Variants in CLYBL observed in about 807,000 individuals in gnomAD.
CLYBL encodes the protein citramalyl-CoA lyase.
A neutral mutation model predicts 38.9 loss-of-function variants in CLYBL; 31 were observed. The observed-to-expected ratio is 0.80, with a 90% CI of 0.60 to 1.08. The LOEUF (loss-of-function observed/expected upper bound fraction) is 1.08. Among genes scored for constraint, CLYBL ranks in the 50% least tolerant of loss-of-function variants. The pLI, the probability that CLYBL is intolerant of heterozygous loss-of-function variation, is 0.00. For missense variants in CLYBL, 434 were observed against 411.6 expected, an observed-to-expected ratio of 1.05 and a Z score of -0.47; for synonymous variants, 171 against 158.6, an observed-to-expected ratio of 1.08 and a Z score of -0.59.
intron 1 of CLYBL, among the ~76,000 whole-genome samples, chr13:99,624,797 C>T (rs955660440): frequency 2.0e-5 from 3 of 152,226 alleles, no homozygotes; most frequent in Non-Finnish European, 4.4e-5. Context: ...GTTGAACACA[C>T]AGCCCTTCCT....
At chr13:99,734,047 G>A (rs150027025) in intron 1 of CLYBL, among the ~76,000 whole-genome samples, 118 of 152,318 alleles carry the variant, frequency 7.7e-4, no homozygotes, top group African/African-American at 2.7e-3. Flanking sequence ...GAGTAAGCAC[G>A]AAAACCTATG....
intron 2 of CLYBL, among the ~76,000 whole-genome samples, chr13:99,815,325 G>C (rs1762722728): frequency 6.6e-6 from 1 of 151,410 alleles, no homozygotes; most frequent in Admixed American, 6.6e-5. Context: ...TGAGGGGATG[G>C]ATGGACCTAT....
intron 1 of CLYBL, among the ~76,000 whole-genome samples, chr13:99,760,067 T>C (rs1411759952): frequency 6.6e-6 from 1 of 152,230 alleles, no homozygotes; most frequent in East Asian, 1.9e-4. Context: ...AGTTTAGTCT[T>C]GGAATTTGTC....
intron 1 of CLYBL, among the ~76,000 whole-genome samples, chr13:99,643,704 G>A (rs1393564278): frequency 6.6e-6 from 1 of 152,072 alleles, no homozygotes; most frequent in Non-Finnish European, 1.5e-5. Flanking sequence ...GTCACAATGA[G>A]CGTTTTAAAA....
rs115770589 is a variant in CLYBL at position 99,835,399 on chromosome 13, T to C, written c.250-23462T>C. Among the ~76,000 whole-genome samples the C allele has an allele frequency of 3.8e-3, 574 of 152,340 alleles. 5 individuals carry two copies. Among genetic ancestry groups the C allele is most frequent in the African/African-American group, 0.013 (550 of 41,588 alleles). On this transcript the variant is annotated intron_variant, in intron 2 of 8. Coordinates refer to ENST00000339105, the MANE Select transcript of CLYBL (RefSeq NM_206808.5). Reference sequence around the variant, plus strand: ...CTGACATCCTCATCTGCATGGCTGATGCCGGCTCACCCTACCATGTTTGAG... The same window carrying C: ...CTGACATCCTCATCTGCATGGCTGACGCCGGCTCACCCTACCATGTTTGAG...
At chr13:99,759,161 G>A (rs548539951) in intron 1 of CLYBL, among the ~76,000 whole-genome samples, 2 of 152,338 alleles carry the variant, frequency 1.3e-5, no homozygotes, top group South Asian at 4.1e-4. Flanking sequence ...TCACCCATTG[G>A]TGCTTACTAA....
intron 2 of CLYBL, among the ~76,000 whole-genome samples, chr13:99,778,034 A>G (rs1594176475): frequency 6.6e-6 from 1 of 152,062 alleles, no homozygotes; most frequent in Non-Finnish European, 1.5e-5. Flanking sequence ...GCTTCTTTTT[A>G]TCTTTAGTCA....
intron 1 of CLYBL, among the ~76,000 whole-genome samples, chr13:99,751,026 G>A (rs369437173): frequency 1.1e-4 from 17 of 152,116 alleles, no homozygotes; most frequent in South Asian, 4.1e-4. Flanking sequence ...ATTGAAGCAC[G>A]GACTCCAACA....
intron 1 of CLYBL, among the ~76,000 whole-genome samples, chr13:99,696,462 T>C (rs2047981090): frequency 6.6e-6 from 1 of 151,978 alleles, no homozygotes; most frequent in Non-Finnish European, 1.5e-5. Context: ...ACTCCTGGGC[T>C]CCAGCAATCC....
At chr13:99,821,287 G>A (rs1247265954) in intron 2 of CLYBL, among the ~76,000 whole-genome samples, 3 of 152,068 alleles carry the variant, frequency 2.0e-5, no homozygotes, top group Admixed American at 2.0e-4. Context: ...CCTCGACTTG[G>A]CTTTGAGCAT....
intron 2 of CLYBL, among the ~76,000 whole-genome samples, chr13:99,848,569 A>G (rs369377627): frequency 6.6e-6 from 1 of 152,226 alleles, no homozygotes; most frequent in Non-Finnish European, 1.5e-5. Flanking sequence ...CCATAAGTAC[A>G]TAAAACAACC....
At chr13:99,819,262 T>C (rs968744754) in intron 2 of CLYBL, among the ~76,000 whole-genome samples, 3 of 150,594 alleles carry the variant, frequency 2.0e-5, no homozygotes, top group Admixed American at 2.0e-4. Flanking sequence ...GGAGGATCAC[T>C]GGAGCCCAGG....
chr13:99,904,427 C>G (rs1024158314), intron 8 of CLYBL, among the ~76,000 whole-genome samples: 6 of 152,188 alleles, frequency 3.9e-5, no homozygotes, highest in Admixed American at 6.6e-5. Context: ...ATGTTTGGGT[C>G]TCATGAATTG....
chr13:99,805,419 G>A (rs1360868361), intron 2 of CLYBL, among the ~76,000 whole-genome samples: 1 of 152,042 alleles, frequency 6.6e-6, no homozygotes, highest in Admixed American at 6.6e-5. Flanking sequence ...GTCAGAAAGC[G>A]TGAGTGTCCA....
intron 1 of CLYBL, among the ~76,000 whole-genome samples, chr13:99,658,655 G>C (rs1399035873): frequency 6.6e-6 from 1 of 152,192 alleles, no homozygotes; most frequent in Non-Finnish European, 1.5e-5. Context: ...GGGTGGGGAG[G>C]AAGCCTCGGG....
intron 1 of CLYBL, among the ~76,000 whole-genome samples, chr13:99,699,625 G>A (rs1260752917): frequency 3.3e-5 from 5 of 151,854 alleles, no homozygotes; most frequent in African/African-American, 7.3e-5. Flanking sequence ...CCCGGGAGGC[G>A]GAGGTTGCAG....
intron 7 of CLYBL, among the ~76,000 whole-genome samples, chr13:99,880,313 C>T (rs1363905729): frequency 4.6e-5 from 7 of 152,078 alleles, no homozygotes; most frequent in Non-Finnish European, 8.8e-5. Flanking sequence ...GATCTGCCCG[C>T]TTCGGCCTCC....
At chr13:99,744,610 G>C (rs1370848626) in intron 1 of CLYBL, among the ~76,000 whole-genome samples, 1 of 152,184 alleles carries the variant, frequency 6.6e-6, no homozygotes, top group African/African-American at 2.4e-5. Context: ...CCTAATCCAA[G>C]TTAAGTGACC....
At chr13:99,772,642 A>G (rs910302564) in intron 1 of CLYBL, among the ~76,000 whole-genome samples, 182 bp from the exon 2 acceptor site, 1 of 151,796 alleles carries the variant, frequency 6.6e-6, no homozygotes, top group Admixed American at 6.6e-5. Flanking sequence ...GGTTGCAGTG[A>G]GCCGAGATCA....
Sources: gnomAD v4.1 joint callset for allele counts (sites outside exome capture counted in the v4.1 genomes callset) on GRCh38, gnomAD v4.1.1 for gene constraint, MANE v1.5 for transcripts, NCBI Gene and HGNC (gene_info 2026-07-23, HGNC 2026-07-21) for gene names.